The following MPDZ variants were observed in gnomAD, a reference collection of about 807,000 sequenced individuals.
The protein encoded by MPDZ is multiple PDZ domain crumbs cell polarity complex component.
Under a neutral mutation model 239.1 loss-of-function variants are expected in MPDZ, and 234 were observed. That is an observed-to-expected ratio of 0.98 (90% CI 0.88 to 1.09). The LOEUF is 1.09. Ranked by LOEUF, MPDZ falls within the 50% of genes least tolerant of loss-of-function variation. MPDZ has a pLI of 0.00. For missense variants in MPDZ, 3,175 were observed against 2,510.0 expected, an observed-to-expected ratio of 1.26 and a Z score of -5.66; for synonymous variants, 1,048 against 881.3, an observed-to-expected ratio of 1.19 and a Z score of -3.35.
intron 21 of MPDZ, among the ~76,000 whole-genome samples, chr9:13,173,998 C>T (rs1952136192): frequency 1.3e-5 from 2 of 152,180 alleles, no homozygotes; most frequent in Non-Finnish European, 2.9e-5. Context: ...TGCCAGTCAT[C>T]ATACCACACT....
At chr9:13,268,337 A>C (rs1370400991) in intron 1 of MPDZ, among the ~76,000 whole-genome samples, 1 of 152,078 alleles carries the variant, frequency 6.6e-6, no homozygotes, top group Non-Finnish European at 1.5e-5. Flanking sequence ...GTACTTGCAT[A>C]GGATCCTTCA....
chr9:13,232,713 TAAA>T (rs1962848369), intron 3 of MPDZ, among the ~76,000 whole-genome samples: 1 of 151,554 alleles, frequency 6.6e-6, no homozygotes, highest in Admixed American at 6.6e-5. Context: ...TTCTGGTCAT[TAAA>T]AGATACAATT....
intron 3 of MPDZ, among the ~76,000 whole-genome samples, chr9:13,238,518 CCTTT>C (rs1485123294): frequency 6.6e-6 from 1 of 152,266 alleles, no homozygotes; most frequent in East Asian, 1.9e-4. Flanking sequence ...TCTCCTCTCT[CCTTT>C]CTTCTGCCTA....
chr9:13,125,466 C>T, intron 34 of MPDZ, 76 bp from the exon 35 acceptor site: 4 of 1,319,964 alleles, frequency 3.0e-6, no homozygotes, highest in South Asian at 1.3e-5. Context: ...TCACCATTAT[C>T]AATGGAATCT....
intron 24 of MPDZ, among the ~76,000 whole-genome samples, chr9:13,152,012 A>G (rs538514212): frequency 6.6e-6 from 1 of 152,292 alleles, no homozygotes; most frequent in South Asian, 2.1e-4. Context: ...GCTGTGGCAC[A>G]TACCAGTGTA....
chr9:13,177,835 G>C (rs1952708187), intron 19 of MPDZ, among the ~76,000 whole-genome samples: 1 of 152,054 alleles, frequency 6.6e-6, no homozygotes, highest in South Asian at 2.1e-4. Context: ...ACTAAAAACA[G>C]GCCTGACTTA....
In MPDZ at chr9:13,114,031, T is replaced by C. The variant is rs762861449; in HGVS notation, c.5467-10A>G. ...GGCTGCCTTCACTCACCTACAAATA[T>C]ACAACAATTATTTCAGAAGGTTTTG... On this transcript the variant is annotated splice_polypyrimidine_tract_variant and intron_variant, in intron 40 of 46. Coordinates refer to ENST00000319217, the MANE Select transcript of MPDZ (RefSeq NM_001378778.1). The C allele has an allele frequency of 5.1e-6, 8 of 1,574,138 alleles. No individual in the cohort carries two copies. The African/African-American group carries it at 6.7e-5, about 13-fold the overall frequency.
intron 23 of MPDZ, among the ~76,000 whole-genome samples, chr9:13,159,199 C>T (rs548946329): frequency 2.6e-3 from 393 of 152,272 alleles, no homozygotes; most frequent in Middle Eastern, 0.017. Flanking sequence ...TTCTGGCAAG[C>T]AAATGTCCAG....
chr9:13,190,310 TCAGA>T lies in MPDZ; in HGVS notation c.1969-15_1969-12del. ...TAGATCTACGTGAGGCTGGATAATA[TCAGA>T]CAGCTCTTATTTCAGAGGCATTGCA... On this transcript the variant is annotated splice_polypyrimidine_tract_variant and intron_variant, in intron 15 of 46. Coordinates refer to ENST00000319217, the MANE Select transcript of MPDZ (RefSeq NM_001378778.1). 2 of 1,517,700 alleles carry T rather than the reference TCAGA, an allele frequency of 1.3e-6. No individual in the cohort carries two copies. The highest frequency in any genetic ancestry group is 2.0e-5 in the Admixed American group (1 of 50,086). 94.0% of individuals were successfully genotyped at this position (1,517,700 alleles called of 1,614,324 possible).
rs773535819 is a variant in MPDZ, at chr9:13,107,090, G to A, written c.6088C>T (p.Arg2030Cys). The A allele has an allele frequency of 1.3e-5, 21 of 1,576,024 alleles. No individual in the cohort carries two copies. The East Asian group carries it at 1.4e-4, about 10-fold the overall frequency. The part of the protein sequence containing the change: ...FAKGAASEDG[R>C]LKRGDQIIAV... ...ATGATCTGATCGCCCCTTTTCAGAC[G>A]TCCGTCTTCAGAGGCTGCTCCCTGC... is the stretch of plus-strand genomic sequence containing the variant. The change falls in exon 47 of 47, where the codon CGT becomes TGT. Residue 2030 changes from arginine (R) to cysteine (C), a missense_variant. Arg to Cys is a radical substitution (Grantham distance 180, BLOSUM62 -3). Transcript: ENST00000319217.
At chr9:13,167,736 G>C (rs1414953043) in intron 22 of MPDZ, among the ~76,000 whole-genome samples, 1 of 152,068 alleles carries the variant, frequency 6.6e-6, no homozygotes, top group African/African-American at 2.4e-5. Context: ...GTTGGCTCAA[G>C]GAATGGTTAG....
chr9:13,175,956 T>C, intron 20 of MPDZ, 81 bp from the exon 21 acceptor site: 1 of 1,486,740 alleles, frequency 6.7e-7, no homozygotes. Flanking sequence ...TCACGCATGT[T>C]CTCTAATTGA....
At chr9:13,117,792 C>T (rs1943704132) in intron 39 of MPDZ, among the ~76,000 whole-genome samples, 1 of 149,416 alleles carries the variant, frequency 6.7e-6, no homozygotes, top group South Asian at 2.1e-4. Context: ...CAACAACAAA[C>T]ATGTAAGTTA....
At chr9:13,188,618 G>T (rs1182897401) in intron 17 of MPDZ, among the ~76,000 whole-genome samples, 166 bp downstream of exon 17, 6 of 151,624 alleles carry the variant, frequency 4.0e-5, no homozygotes, top group African/African-American at 1.5e-4. Context: ...TATTTTTTTT[G>T]AATATTACTC....
intron 12 of MPDZ, among the ~76,000 whole-genome samples, chr9:13,199,816 G>T (rs1007834520): frequency 2.0e-5 from 3 of 152,030 alleles, no homozygotes; most frequent in Non-Finnish European, 4.4e-5. Context: ...AATCAAACTT[G>T]ATTATGATTA....
At chr9:13,213,907 T>C (rs532899419) in intron 10 of MPDZ, among the ~76,000 whole-genome samples, 1 of 152,178 alleles carries the variant, frequency 6.6e-6, no homozygotes, top group South Asian at 2.1e-4. Context: ...CTATCAGATA[T>C]CTGCTATCAG....
At chr9:13,159,836 T>A (rs137965993) in intron 23 of MPDZ, among the ~76,000 whole-genome samples, 22 of 152,300 alleles carry the variant, frequency 1.4e-4, no homozygotes, top group Non-Finnish European at 2.5e-4. Context: ...AGGTGCTGAT[T>A]ATTGTTTACT....
In MPDZ at chr9:13,176,876, C is replaced by T. The variant is rs1407385051; in HGVS notation, c.2650-459G>A. On this transcript the variant is annotated intron_variant, in intron 19 of 46. Coordinates refer to ENST00000319217, the MANE Select transcript of MPDZ (RefSeq NM_001378778.1). ...TTAATTGATTTGGACTCATAAGGGC[C>T]TCCAAGAGAAAATTATTTTGATAGG... Among the ~76,000 whole-genome samples the T allele has an allele frequency of 2.0e-5, 3 of 151,982 alleles. No homozygotes were observed. The East Asian group carries it at 5.8e-4, about 29-fold the overall frequency.
Position 13,107,051 on chromosome 9 carries a change from G to A in MPDZ, c.6127C>T (p.Gln2043Ter), listed in dbSNP as rs765649084. 13 of 1,610,082 alleles carry A rather than the reference G, an allele frequency of 8.1e-6. No homozygotes were observed. The highest frequency in any genetic ancestry group is 1.0e-5 in the Non-Finnish European group (12 of 1,177,188). ...RGDQIIAVNGQSLEGVTHEEA... is the reference protein window; with the variant it reads ...RGDQIIAVNG Reference sequence around the variant, plus strand: ...TCATGGGTGACTCCTTCTAGACTCTGCCCATTGACAGCAATGATCTGATCG... The same window carrying A: ...TCATGGGTGACTCCTTCTAGACTCTACCCATTGACAGCAATGATCTGATCG... The change falls in exon 47 of 47, where the codon CAG becomes TAG. Residue 2043 changes from glutamine (Q) to a stop codon, truncating the protein, a stop_gained. Coordinates refer to ENST00000319217, the MANE Select transcript of MPDZ (RefSeq NM_001378778.1). LOFTEE classifies it high-confidence loss of function.
Sources: allele counts gnomAD v4.1 joint callset (sites outside exome capture counted in the v4.1 genomes callset), GRCh38; gene constraint gnomAD v4.1.1; transcripts MANE v1.5; gene names NCBI Gene and HGNC (gene_info 2026-07-23, HGNC 2026-07-21).